The following MYO5C variants were observed in gnomAD, a reference collection of about 807,000 sequenced individuals.
MYO5C encodes myosin VC.
A neutral mutation model predicts 235.7 loss-of-function variants in MYO5C; 194 were observed. The observed-to-expected ratio is 0.82, with a 90% CI of 0.73 to 0.93. MYO5C has a LOEUF of 0.93. Among genes scored for constraint, MYO5C ranks in the 40% least tolerant of loss-of-function variants. The pLI, the probability that MYO5C is intolerant of heterozygous loss-of-function variation, is 0.00. For synonymous variants in MYO5C, 707 were observed against 754.8 expected, an observed-to-expected ratio of 0.94 and a Z score of 1.04; for missense variants, 2,038 against 2,127.2, an observed-to-expected ratio of 0.96 and a Z score of 0.82.
chr15:52,263,706 C>T (rs2036740990), intron 9 of MYO5C, among the ~76,000 whole-genome samples: 1 of 152,194 alleles, frequency 6.6e-6, no homozygotes, highest in South Asian at 2.1e-4. Context: ...AGGCTGCCAC[C>T]CACCACCTTC....
chr15:52,248,244 G>A (rs544530910), intron 14 of MYO5C, among the ~76,000 whole-genome samples: 2 of 152,230 alleles, frequency 1.3e-5, no homozygotes, highest in East Asian at 3.9e-4. Flanking sequence ...CCAGGGCCAA[G>A]CAGTCTTCCC....
At chr15:52,291,043 G>T (rs1286215922) in intron 1 of MYO5C, among the ~76,000 whole-genome samples, 1 of 152,174 alleles carries the variant, frequency 6.6e-6, no homozygotes, top group East Asian at 1.9e-4. Context: ...TAAGTAACTT[G>T]CCTGGTGTCA....
chr15:52,260,884 T>A lies in MYO5C; in HGVS notation c.1291A>T (p.Ile431Phe). ...LQFSGKQHTF[I>F]GVLDIYGFET... ...TACCCATAAATGTCCAAAACACCAA[T>A]AAAAGTGTGCTGCTTGCCTGAAAAC... The change falls in exon 10 of 41, where the codon ATT becomes TTT. Residue 431 changes from isoleucine to phenylalanine, a missense_variant. Physicochemically the swap from Ile to Phe is conservative, Grantham distance 21 (BLOSUM62 0). Transcript: ENST00000261839. 1 of 1,614,164 alleles carries A rather than the reference T, an allele frequency of 6.2e-7. No individual in the cohort carries two copies. Among genetic ancestry groups the A allele is most frequent in the African/African-American group, 1.3e-5 (1 of 75,032 alleles).
chr15:52,236,250 G>A (rs1283824670), intron 22 of MYO5C, among the ~76,000 whole-genome samples: 1 of 152,234 alleles, frequency 6.6e-6, no homozygotes, highest in Admixed American at 6.5e-5. Flanking sequence ...CCGTGGTGCT[G>A]ACTGATGGTG....
intron 36 of MYO5C, among the ~76,000 whole-genome samples, chr15:52,206,901 G>C (rs1387983857): frequency 6.6e-6 from 1 of 152,246 alleles, no homozygotes; most frequent in Non-Finnish European, 1.5e-5. Context: ...GCGAGGCCGA[G>C]GCAGGCGGAT....
intron 5 of MYO5C, among the ~76,000 whole-genome samples, chr15:52,275,124 T>C (rs770726199): frequency 2.0e-5 from 3 of 152,262 alleles, no homozygotes; most frequent in Non-Finnish European, 2.9e-5. Context: ...ACATGTGGCC[T>C]CTGCCAAGGC....
intron 13 of MYO5C, among the ~76,000 whole-genome samples, chr15:52,249,963 A>G (rs941679706): frequency 1.3e-5 from 2 of 152,206 alleles, no homozygotes; most frequent in African/African-American, 4.8e-5. Context: ...AACGCTGCCT[A>G]GTTCTTTTAA....
intron 7 of MYO5C, 138 bp downstream of exon 7, chr15:52,271,625 A>G (rs1408725902): frequency 2.0e-6 from 1 of 491,488 alleles, no homozygotes; most frequent in Non-Finnish European, 3.5e-6. Flanking sequence ...AGATGCACCA[A>G]TTCTGTCCCT....
intron 1 of MYO5C, among the ~76,000 whole-genome samples, chr15:52,295,132 T>C (rs1462640685): frequency 6.6e-6 from 1 of 152,050 alleles, no homozygotes; most frequent in Non-Finnish European, 1.5e-5. Context: ...TTCAAGGGGG[T>C]CCCAGGAGGG....
intron 1 of MYO5C, among the ~76,000 whole-genome samples, chr15:52,287,007 C>T (rs2037290918): frequency 8.1e-6 from 1 of 123,156 alleles, no homozygotes; most frequent in Admixed American, 8.0e-5. Flanking sequence ...AAACAAAGTT[C>T]ACAGTTACAA....
Position 52,225,487 on chromosome 15 carries a change from T to G in MYO5C, c.3253A>C (p.Lys1085Gln). ...EKEIELLQAQKIDVEKHVQSQ... is the reference protein window; with the variant it reads ...EKEIELLQAQQIDVEKHVQSQ... ...TGCACATGTTTCTCCACATCTATCT[T>G]CTGTGCCTGAAGTAGTTCTATCTCT... is the stretch of plus-strand genomic sequence containing the variant. The change falls in exon 26 of 41, where the codon AAG (lysine) becomes CAG (glutamine). Residue 1085 changes from lysine to glutamine, a missense_variant. Lys to Gln is a moderately conservative substitution (Grantham distance 53). Coordinates refer to ENST00000261839, the MANE Select transcript of MYO5C (RefSeq NM_018728.4). 6.2e-7 allele frequency: 1 copy of G among 1,613,836 alleles called. No homozygotes were observed. Among genetic ancestry groups the G allele is most frequent in the Non-Finnish European group, 8.5e-7 (1 of 1,179,948 alleles).
At chr15:52,202,341 T>G (rs2141262734) in intron 38 of MYO5C, among the ~76,000 whole-genome samples, 1 of 152,186 alleles carries the variant, frequency 6.6e-6, no homozygotes, top group African/African-American at 2.4e-5. Context: ...CGTGCCACTG[T>G]ACTCCAGCCT....
chr15:52,198,108 T>C (rs2035095951), intron 38 of MYO5C, among the ~76,000 whole-genome samples: 2 of 151,760 alleles, frequency 1.3e-5, no homozygotes, highest in Non-Finnish European at 2.9e-5. Context: ...CGAGGCAGGC[T>C]GATCGCTTGA....
chr15:52,244,140 G>A (rs974123825), intron 19 of MYO5C, among the ~76,000 whole-genome samples: 20 of 151,984 alleles, frequency 1.3e-4, no homozygotes, highest in African/African-American at 3.9e-4. Context: ...CCTGGGTGTC[G>A]GCTCACCACA....
chr15:52,221,502 G>A (rs1780116214), intron 29 of MYO5C, among the ~76,000 whole-genome samples: 1 of 152,180 alleles, frequency 6.6e-6, no homozygotes, highest in South Asian at 2.1e-4. Flanking sequence ...AGAAGGATGT[G>A]TACATGTATA....
Position 52,213,219 on chromosome 15 carries a change from G to T in MYO5C, c.4110C>A (p.Asp1370Glu). 6.2e-7 allele frequency: 1 copy of T among 1,614,038 alleles called. No homozygotes were observed. The highest frequency in any genetic ancestry group is 1.7e-5 in the Admixed American group (1 of 60,010). ...TGAGGTTCTGAATGAGCTTGGCCTC[G>T]TCTTCTCTCTTGTATTGCAGCATTC... is the stretch of plus-strand genomic sequence containing the variant. ...YLGMLQYKREDEAKLIQNLIL... is the reference protein window; with the variant it reads ...YLGMLQYKREEEAKLIQNLIL... Residue 1370 changes from aspartate to glutamate, a missense_variant, in exon 34 of 41, where the codon GAC becomes GAA. Transcript: ENST00000261839.
At chr15:52,200,626 A>G (rs926272918) in intron 38 of MYO5C, among the ~76,000 whole-genome samples, 6 of 152,244 alleles carry the variant, frequency 3.9e-5, no homozygotes, top group African/African-American at 1.4e-4. Flanking sequence ...ATTTAAAAAT[A>G]TCCAATATAC....
chr15:52,286,861 C>G (rs1282991780), intron 1 of MYO5C, among the ~76,000 whole-genome samples: 1 of 151,148 alleles, frequency 6.6e-6, no homozygotes, highest in African/African-American at 2.4e-5. Context: ...ACTTGTTTAT[C>G]TGCTGACCTT....
Position 52,225,575 on chromosome 15 carries a change from G to A in MYO5C, c.3208-43C>T, listed in dbSNP as rs531029918. On this transcript the variant is annotated intron_variant, in intron 25 of 40. Coordinates refer to ENST00000261839, the MANE Select transcript of MYO5C (RefSeq NM_018728.4). ...CGGAATCAGGTAAAGAAAAAACAAC[G>A]ATTATGCTTTATATAAGACAAAGGG... 22 of 1,345,106 alleles carry A rather than the reference G, an allele frequency of 1.6e-5. No homozygotes were observed. The South Asian group carries it at 2.1e-4, about 13-fold the overall frequency. The allele number at this position is 1,345,106 out of a possible 1,614,324, so 83.3% of individuals were successfully genotyped here. A position where few individuals can be genotyped will look rare whatever the true frequency, so the allele number is the denominator to read the frequency against.
Sources: gnomAD v4.1 joint callset for allele counts (sites outside exome capture counted in the v4.1 genomes callset) on GRCh38, gnomAD v4.1.1 for gene constraint, MANE v1.5 for transcripts, NCBI Gene and HGNC (gene_info 2026-07-23, HGNC 2026-07-21) for gene names.